PDE7B: variants seen among roughly 807,000 people sequenced by gnomAD.
PDE7B encodes the protein 3',5'-cyclic-AMP phosphodiesterase 7B.
In PDE7B, 29 loss-of-function variants were observed where a neutral mutation model predicts 56.2. That is an observed-to-expected ratio of 0.52 (90% CI 0.38 to 0.70). The LOEUF is 0.70. PDE7B is among the 30% of genes least tolerant of loss of function. The pLI is 0.00. For missense variants in PDE7B, 490 were observed against 565.0 expected (o/e 0.87, Z 1.35); for synonymous variants, 197 against 196.9 (o/e 1.00, Z 0.00).
rs573155168 is a variant in PDE7B at position 136,085,654 on chromosome 6, C to T, written c.83-23077C>T. Among the ~76,000 whole-genome samples, 5 of 152,272 alleles carry T rather than the reference C, an allele frequency of 3.3e-5. No homozygotes were observed. The South Asian group carries it at 1.0e-3, about 32-fold the overall frequency. ...GGTTGCTGGCTATCTGGGGATGCAG[C>T]ACTGAAGGCAAAGAGTGGAGGCAAA... is the stretch of plus-strand genomic sequence containing the variant. On this transcript the variant is annotated intron_variant, in intron 2 of 12. Coordinates refer to ENST00000308191, the MANE Select transcript of PDE7B (RefSeq NM_018945.4).
intron 2 of PDE7B, among the ~76,000 whole-genome samples, chr6:135,964,631 C>T (rs538842960): frequency 1.2e-4 from 18 of 152,118 alleles, no homozygotes; most frequent in South Asian, 1.0e-3. Context: ...TAATCTAGAG[C>T]GTATATAATA....
chr6:136,162,882 G>A (rs967770575), intron 8 of PDE7B, among the ~76,000 whole-genome samples: 1 of 152,222 alleles, frequency 6.6e-6, no homozygotes, highest in Non-Finnish European at 1.5e-5. Context: ...CTTTGACTCT[G>A]TGTCTCACAT....
intron 10 of PDE7B, 68 bp from the exon 11 acceptor site, chr6:136,181,159 G>A: frequency 9.2e-7 from 1 of 1,088,544 alleles, no homozygotes; most frequent in Admixed American, 1.7e-5. Flanking sequence ...TAGCCTCTTT[G>A]GCTTGGGGTG....
At chr6:136,023,622 A>T (rs1382145657) in intron 2 of PDE7B, among the ~76,000 whole-genome samples, 1 of 152,190 alleles carries the variant, frequency 6.6e-6, no homozygotes, top group Non-Finnish European at 1.5e-5. Flanking sequence ...GAAAGTGAGG[A>T]AGAAAGCTAG....
chr6:136,123,541 A>G (rs1369078806), intron 3 of PDE7B, among the ~76,000 whole-genome samples: 3 of 152,234 alleles, frequency 2.0e-5, no homozygotes, highest in Non-Finnish European at 4.4e-5. Context: ...TGCCTAATAT[A>G]TTAAAGGACA....
At chr6:135,885,472 A>G (rs147525918) in intron 1 of PDE7B, among the ~76,000 whole-genome samples, 21 of 152,228 alleles carry the variant, frequency 1.4e-4, no homozygotes, top group African/African-American at 4.8e-4. Flanking sequence ...CCACATCAAC[A>G]TGTCAGAAAA....
intron 2 of PDE7B, among the ~76,000 whole-genome samples, chr6:136,030,521 T>G (rs1776230080): frequency 6.6e-6 from 1 of 152,250 alleles, no homozygotes; most frequent in Admixed American, 6.5e-5. Context: ...TTTCTCTGAA[T>G]CAGCAGCACC....
intron 2 of PDE7B, among the ~76,000 whole-genome samples, chr6:136,031,043 T>C (rs1776239292): frequency 1.3e-5 from 2 of 152,258 alleles, no homozygotes; most frequent in South Asian, 4.1e-4. Flanking sequence ...GATACAGCCT[T>C]TGTTCTTACA....
rs530674509 is a variant in PDE7B at position 136,055,263 on chromosome 6, G to A, written c.83-53468G>A. ...TAGCAGAACATGTTTTATGTGTGGG[G>A]AGTGAGAAGGGCAGGGAGATGATGT... On this transcript the variant is annotated intron_variant, in intron 2 of 12. Coordinates refer to ENST00000308191, the MANE Select transcript of PDE7B (RefSeq NM_018945.4). Among the ~76,000 whole-genome samples the A allele has an allele frequency of 7.0e-4, 106 of 152,348 alleles. 3 individuals carry two copies. In the South Asian group the frequency reaches 0.021, roughly 30 times the overall value.
intron 3 of PDE7B, among the ~76,000 whole-genome samples, chr6:136,137,724 A>C (rs939097871): frequency 6.6e-6 from 1 of 152,118 alleles, no homozygotes; most frequent in African/African-American, 2.4e-5. Context: ...AGACTATTCC[A>C]TAAAGAAGGT....
chr6:136,081,785 GA>G (rs1562488439), intron 2 of PDE7B, among the ~76,000 whole-genome samples: 1 of 152,172 alleles, frequency 6.6e-6, no homozygotes, highest in Non-Finnish European at 1.5e-5. Flanking sequence ...GCAAATACAA[GA>G]AGAGATAGAA....
chr6:136,155,992 C>T (rs766679333), intron 8 of PDE7B: 15 of 639,806 alleles, frequency 2.3e-5, no homozygotes, highest in African/African-American at 1.1e-4. Flanking sequence ...TAGCTCATGT[C>T]GATACAATTG....
intron 2 of PDE7B, among the ~76,000 whole-genome samples, chr6:136,042,285 T>C (rs1776426387): frequency 6.6e-6 from 1 of 152,214 alleles, no homozygotes; most frequent in Admixed American, 6.5e-5. Flanking sequence ...GCTTCTCAGA[T>C]GCTGTGAGGA....
intron 3 of PDE7B, 39 bp from the exon 4 acceptor site, chr6:136,147,312 T>C (rs757305989): frequency 6.7e-7 from 1 of 1,494,902 alleles, no homozygotes; most frequent in Non-Finnish European, 9.2e-7. Context: ...TGGCTCTCTT[T>C]TAAATATATA....
At chr6:136,150,455 T>C (rs1037227753) in intron 5 of PDE7B, among the ~76,000 whole-genome samples, 7 of 152,210 alleles carry the variant, frequency 4.6e-5, no homozygotes, top group Non-Finnish European at 7.4e-5. Context: ...GCACCATTTA[T>C]TGAAGAGACT....
intron 2 of PDE7B, among the ~76,000 whole-genome samples, chr6:136,079,547 C>G (rs1448719565): frequency 6.6e-6 from 1 of 152,090 alleles, no homozygotes; most frequent in Non-Finnish European, 1.5e-5. Flanking sequence ...CTGGACAGTG[C>G]TGAGTTGGAA....
intron 2 of PDE7B, among the ~76,000 whole-genome samples, chr6:135,963,967 G>C (rs915692642): frequency 7.9e-5 from 12 of 152,140 alleles, no homozygotes; most frequent in Non-Finnish European, 1.8e-4. Flanking sequence ...GCATCCTGTT[G>C]TAGAACTTTC....
At chr6:136,157,646 T>G (rs564618677) in intron 8 of PDE7B, among the ~76,000 whole-genome samples, 7 of 152,252 alleles carry the variant, frequency 4.6e-5, no homozygotes, top group African/African-American at 1.7e-4. Context: ...TACTTTAAAG[T>G]ATTTAGCTAC....
At chr6:136,023,051 A>G (rs1776098910) in intron 2 of PDE7B, among the ~76,000 whole-genome samples, 1 of 151,966 alleles carries the variant, frequency 6.6e-6, no homozygotes, top group African/African-American at 2.4e-5. Context: ...GGACTCTAAA[A>G]CCCTTTTTCC....
Sources: gnomAD v4.1 joint callset for allele counts (sites outside exome capture counted in the v4.1 genomes callset) on GRCh38, gnomAD v4.1.1 for gene constraint, MANE v1.5 for transcripts, NCBI Gene and HGNC (gene_info 2026-07-23, HGNC 2026-07-21) for gene names.